The following UBE2M variants were observed in gnomAD, a reference collection of about 807,000 sequenced individuals.
The protein encoded by UBE2M is ubiquitin conjugating enzyme E2 M, also known as NEDD8-conjugating enzyme Ubc12.
A neutral mutation model predicts 23.5 loss-of-function variants in UBE2M; 2 were observed. That is an observed-to-expected ratio of 0.09 (90% confidence interval 0.03 to 0.27). The LOEUF is 0.27. UBE2M is among the 10% of genes least tolerant of loss of function. The pLI, the probability that UBE2M is intolerant of heterozygous loss-of-function variation, is 1.00. For missense variants in UBE2M, 103 were observed against 232.9 expected, an observed-to-expected ratio of 0.44 and a Z score of 3.63; for synonymous variants, 97 against 95.2, an observed-to-expected ratio of 1.02 and a Z score of -0.11.
Position 58,556,745 on chromosome 19 carries a change from T to A in UBE2M, c.289A>T (p.Thr97Ser). ...TCAATGTTGGGGTGATAGACCATTG[T>A]CTCACACTTCACCTTGGGGGGATCA... ...PHDPPKVKCE[T>S]MVYHPNIDLE... Residue 97 changes from threonine to serine, a missense_variant, in exon 4 of 6, where the codon ACA (threonine) becomes TCA (serine). Physicochemically the swap from Thr to Ser is moderately conservative, Grantham distance 58. This residue lies in a region of UBE2M where 12 missense variants were observed against 84.0 expected (regional missense o/e 0.14). Coordinates refer to ENST00000253023, the MANE Select transcript of UBE2M (RefSeq NM_003969.4). This position sits in a 1 kb window ranked among gnomAD's most constrained non-coding sequence, Gnocchi z 4.9. The A allele has an allele frequency of 1.3e-6, 2 of 1,557,082 alleles. No individual in the cohort carries two copies. The highest frequency in any genetic ancestry group is 2.4e-5 in the South Asian group (2 of 81,804).
intron 1 of UBE2M, among the ~76,000 whole-genome samples, chr19:58,557,967 C>T (rs1289614106): frequency 6.6e-6 from 1 of 152,042 alleles, no homozygotes; most frequent in East Asian, 1.9e-4. Context: ...TCCCGTCTAA[C>T]CCCCAGACTC....
rs1033446444 is a variant in UBE2M, at chr19:58,558,233, C to T, written c.109+40G>A. 1.3e-5 allele frequency: 21 copies of T among 1,571,580 alleles called. No individual in the cohort carries two copies. Among genetic ancestry groups the T allele is most frequent in the Non-Finnish European group, 1.6e-5 (19 of 1,153,180 alleles). On this transcript the variant is annotated intron_variant, in intron 1 of 5. Transcript: ENST00000253023. The surrounding 1 kb of genome is among the most constrained non-coding windows in gnomAD (Gnocchi z 4.7). ...ACATCACCCTGCCTCAGGCCCTGAC[C>T]TCCGACCTCCGGCTCCAACCCCATC...
chr19:58,557,962 T>G (rs961865337), intron 1 of UBE2M, among the ~76,000 whole-genome samples: 2 of 151,906 alleles, frequency 1.3e-5, no homozygotes, highest in Admixed American at 1.3e-4. Flanking sequence ...CAAGTTCCCG[T>G]CTAACCCCCA....
In UBE2M at chr19:58,558,396, CGCCGCT is replaced by C. The variant is rs749138337; in HGVS notation, c.-21_-16del. ...AGCTTGATCATCCTGCCGCCGCCGCCGCCGCTGCCGCCGCCGCGGGGCCCGGGACCC... is the reference window on the plus strand; with the variant it reads ...AGCTTGATCATCCTGCCGCCGCCGCCGCCGCCGCCGCGGGGCCCGGGACCC... On this transcript the variant is annotated 5_prime_UTR_variant, in exon 1 of 6. Transcript: ENST00000253023. This position sits in a 1 kb window ranked among gnomAD's most constrained non-coding sequence, Gnocchi z 4.7. 8 of 1,324,418 alleles carry C rather than the reference CGCCGCT, an allele frequency of 6.0e-6. No homozygotes were observed. Among genetic ancestry groups the C allele is most frequent in the Non-Finnish European group, 7.8e-6 (8 of 1,020,330 alleles). The allele number at this position is 1,324,418 out of a possible 1,614,324, so 82.0% of individuals were successfully genotyped here.
At position 58,556,185 on chromosome 19, in the gene UBE2M, G is replaced by T; in HGVS notation, c.456C>A (p.Val152=). The T allele has an allele frequency of 1.2e-6, 2 of 1,614,186 alleles. No homozygotes were observed. Among genetic ancestry groups the T allele is most frequent in the Non-Finnish European group, 1.7e-6 (2 of 1,180,022 alleles). Residue 152 remains valine (V), a synonymous_variant, in exon 6 of 6, where the codon GTC becomes GTA. Coordinates refer to ENST00000253023, the MANE Select transcript of UBE2M (RefSeq NM_003969.4). This position sits in a 1 kb window ranked among gnomAD's most constrained non-coding sequence, Gnocchi z 4.9. ...CAAACAGCCGCCGGTTGTTCTGCAG[G>T]ACCTCTGCGGCCTCCTTGTTCAGTG... ...EDPLNKEAAE[V]LQNNRRLFEQ... is the part of the protein sequence containing the mutation.
At position 58,558,125 on chromosome 19, in the gene UBE2M, C is replaced by G. The variant is rs2053904797; in HGVS notation, c.109+148G>C. ...CCCGTGACTGCATGATCCCAACCCTCAAGACTTGACCTCCGACCCCCCCCA... is the reference window on the plus strand; with the variant it reads ...CCCGTGACTGCATGATCCCAACCCTGAAGACTTGACCTCCGACCCCCCCCA... On this transcript the variant is annotated intron_variant, in intron 1 of 5. Coordinates refer to ENST00000253023, the MANE Select transcript of UBE2M (RefSeq NM_003969.4). This position sits in a 1 kb window ranked among gnomAD's most constrained non-coding sequence, Gnocchi z 4.7. 1 of 630,272 alleles carries G rather than the reference C, an allele frequency of 1.6e-6. No homozygotes were observed. The highest frequency in any genetic ancestry group is 2.0e-5 in the African/African-American group (1 of 51,056). 39.0% of individuals were successfully genotyped at this position (630,272 alleles called of 1,614,324 possible). A position where few individuals can be genotyped will look rare whatever the true frequency, so the allele number is the denominator to read the frequency against.
Position 58,558,248 on chromosome 19 carries a change from C to G in UBE2M, c.109+25G>C. The G allele has an allele frequency of 1.3e-6, 2 of 1,595,372 alleles. No homozygotes were observed. Among genetic ancestry groups the G allele is most frequent in the Non-Finnish European group, 1.7e-6 (2 of 1,170,620 alleles). On this transcript the variant is annotated intron_variant, in intron 1 of 5. Transcript: ENST00000253023. The surrounding 1 kb of genome is among the most constrained non-coding windows in gnomAD (Gnocchi z 4.7). ...AGGCCCTGACCTCCGACCTCCGGCT[C>G]CAACCCCATCCCCTGACCCCCTACC...
In UBE2M at chr19:58,558,108, T is replaced by C. The variant is rs926008786; in HGVS notation, c.109+165A>G. ...CTATCTCTGACCCCCTCCCCGTGAC[T>C]GCATGATCCCAACCCTCAAGACTTG... On this transcript the variant is annotated intron_variant, in intron 1 of 5. Transcript: ENST00000253023. The surrounding 1 kb of genome is among the most constrained non-coding windows in gnomAD (Gnocchi z 4.7). 1.3e-5 allele frequency among the ~76,000 whole-genome samples: 2 copies of C among 149,784 alleles called. No individual in the cohort carries two copies. Among genetic ancestry groups the C allele is most frequent in the African/African-American group, 4.9e-5 (2 of 40,592 alleles).
Position 58,555,960 on chromosome 19 carries a change from G to C in UBE2M, c.*129C>G. The stretch of plus-strand genomic sequence containing the variant: ...AATAACTAGGGGCACGTGGCAGGAA[G>C]GGGAGGCAAGGCCAAGGCAGGGGAT... On this transcript the variant is annotated 3_prime_UTR_variant, in exon 6 of 6. Coordinates refer to ENST00000253023, the MANE Select transcript of UBE2M (RefSeq NM_003969.4). 1 of 1,318,274 alleles carries C rather than the reference G, an allele frequency of 7.6e-7. No homozygotes were observed. The highest frequency in any genetic ancestry group is 1.5e-5 in the South Asian group (1 of 67,662). The allele number at this position is 1,318,274 out of a possible 1,614,324, so 81.7% of individuals were successfully genotyped here. A position where few individuals can be genotyped will look rare whatever the true frequency, so the allele number is the denominator to read the frequency against.
Position 58,556,742 on chromosome 19 carries a change from T to C in UBE2M, c.292A>G (p.Met98Val). The C allele has an allele frequency of 2.6e-6, 4 of 1,553,008 alleles. No homozygotes were observed. The highest frequency in any genetic ancestry group is 1.4e-5 in the African/African-American group (1 of 72,824). ...AGGTCAATGTTGGGGTGATAGACCA[T>C]TGTCTCACACTTCACCTTGGGGGGA... is the stretch of plus-strand genomic sequence containing the variant. ...HDPPKVKCET[M>V]VYHPNIDLEG... Residue 98 changes from methionine (M) to valine (V), a missense_variant, in exon 4 of 6, where the codon ATG (methionine) becomes GTG (valine). This residue lies in a region of UBE2M where 12 missense variants were observed against 84.0 expected (regional missense o/e 0.14). Coordinates refer to ENST00000253023, the MANE Select transcript of UBE2M (RefSeq NM_003969.4). The surrounding 1 kb of genome is among the most constrained non-coding windows in gnomAD (Gnocchi z 4.9).
rs760110943 is a variant in UBE2M, at chr19:58,558,308, TTGC to T, written c.71_73del (p.Ser24del). 4.0e-5 allele frequency: 64 copies of T among 1,598,002 alleles called. No individual in the cohort carries two copies. The highest frequency in any genetic ancestry group is 5.4e-5 in the Non-Finnish European group (63 of 1,172,496). ...CCGCAGCTGCGCCGCCGACGCCTTC[TTGC>T]TGCTGCCCTTGGTGCCGCCCGCCGA... On this transcript the variant is annotated inframe_deletion, in exon 1 of 6. Transcript: ENST00000253023. The surrounding 1 kb of genome is among the most constrained non-coding windows in gnomAD (Gnocchi z 4.7).
chr19:58,556,612 T>C lies in UBE2M; in HGVS notation c.347+75A>G, dbSNP rs566900688. The C allele has an allele frequency of 6.2e-5, 80 of 1,300,372 alleles. No homozygotes were observed. The highest frequency in any genetic ancestry group is 7.8e-5 in the Non-Finnish European group (73 of 941,754). 80.6% of individuals were successfully genotyped at this position (1,300,372 alleles called of 1,614,324 possible). The stretch of plus-strand genomic sequence containing the variant: ...AGGGGTGGGAAGGGACAGAGTCTGA[T>C]GTAGTGCCCACAAGACCATGAGGGA... On this transcript the variant is annotated intron_variant, in intron 4 of 5. Coordinates refer to ENST00000253023, the MANE Select transcript of UBE2M (RefSeq NM_003969.4). This position sits in a 1 kb window ranked among gnomAD's most constrained non-coding sequence, Gnocchi z 4.9.
In UBE2M at chr19:58,556,524, G is replaced by T; in HGVS notation, c.348-145C>A. The T allele has an allele frequency of 9.2e-7, 1 of 1,082,814 alleles. No individual in the cohort carries two copies. Among genetic ancestry groups the T allele is most frequent in the Non-Finnish European group, 1.3e-6 (1 of 755,240 alleles). The allele number at this position is 1,082,814 out of a possible 1,614,324, so 67.1% of individuals were successfully genotyped here. Reference sequence around the variant, plus strand: ...GAGGGTGTGGAGCAGGACAGGCCAAGGAGAAAACCAAGGTCAGGCCATGAG... The same window carrying T: ...GAGGGTGTGGAGCAGGACAGGCCAATGAGAAAACCAAGGTCAGGCCATGAG... On this transcript the variant is annotated intron_variant, in intron 4 of 5. Coordinates refer to ENST00000253023, the MANE Select transcript of UBE2M (RefSeq NM_003969.4). This position sits in a 1 kb window ranked among gnomAD's most constrained non-coding sequence, Gnocchi z 4.9.
rs745969280 is a variant in UBE2M, at chr19:58,558,339, C to A, written c.43G>T (p.Glu15Ter). Residue 15 changes from glutamate (E) to a stop codon, truncating the protein, a stop_gained, in exon 1 of 6, where the codon GAG becomes TAG. Transcript: ENST00000253023. LOFTEE classifies it high-confidence loss of function. The surrounding 1 kb of genome is among the most constrained non-coding windows in gnomAD (Gnocchi z 4.7). ...CTGCCCTTGGTGCCGCCCGCCGACTCCTCCTCCTTCTTCTGCTGCTTCAGC... is the reference window on the plus strand; with the variant it reads ...CTGCCCTTGGTGCCGCCCGCCGACTACTCCTCCTTCTTCTGCTGCTTCAGC... The part of the protein sequence containing the change: ...FSLKQQKKEE[E>*]SAGGTKGSSK... 25 of 1,596,200 alleles carry A rather than the reference C, an allele frequency of 1.6e-5. No individual in the cohort carries two copies. Among genetic ancestry groups the A allele is most frequent in the East Asian group, 4.7e-5 (2 of 42,374 alleles).
chr19:58,557,055 AC>A lies in UBE2M; in HGVS notation c.204+7del. 1 of 1,613,920 alleles carries A rather than the reference AC, an allele frequency of 6.2e-7. No individual in the cohort carries two copies. Among genetic ancestry groups the A allele is most frequent in the Non-Finnish European group, 8.5e-7 (1 of 1,179,934 alleles). ...TGCTCCTGGGAATTCAGCCATATGC[AC>A]CCTCACCTCATCAGGACAGATGACC... is the stretch of plus-strand genomic sequence containing the variant. On this transcript the variant is annotated splice_region_variant and intron_variant, in intron 2 of 5. Coordinates refer to ENST00000253023, the MANE Select transcript of UBE2M (RefSeq NM_003969.4).
Position 58,558,403 on chromosome 19 carries a change from G to T in UBE2M, c.-22C>A. The T allele has an allele frequency of 7.8e-7, 1 of 1,288,704 alleles. No individual in the cohort carries two copies. 79.8% of individuals were successfully genotyped at this position (1,288,704 alleles called of 1,614,324 possible). ...TCATCCTGCCGCCGCCGCCGCCGCT[G>T]CCGCCGCCGCGGGGCCCGGGACCCC... On this transcript the variant is annotated 5_prime_UTR_variant, in exon 1 of 6. Coordinates refer to ENST00000253023, the MANE Select transcript of UBE2M (RefSeq NM_003969.4). This position sits in a 1 kb window ranked among gnomAD's most constrained non-coding sequence, Gnocchi z 4.7.
At chr19:58,557,712 C>T (rs1207783845) in intron 1 of UBE2M, among the ~76,000 whole-genome samples, 1 of 139,842 alleles carries the variant, frequency 7.2e-6, no homozygotes, top group Non-Finnish European at 1.5e-5. Flanking sequence ...GCCTAAATTT[C>T]CCCTCACCCC....
Position 58,556,475 on chromosome 19 carries a change from G to A in UBE2M, c.348-96C>T. On this transcript the variant is annotated intron_variant, in intron 4 of 5. Coordinates refer to ENST00000253023, the MANE Select transcript of UBE2M (RefSeq NM_003969.4). This position sits in a 1 kb window ranked among gnomAD's most constrained non-coding sequence, Gnocchi z 4.9. The stretch of plus-strand genomic sequence containing the variant: ...CAGGTCAGATCCAGGGCATAGGAGA[G>A]TGAGCATGTGAGAGGCTGGGAGGGA... The A allele has an allele frequency of 2.2e-6, 3 of 1,343,560 alleles. No individual in the cohort carries two copies. The highest frequency in any genetic ancestry group is 3.1e-6 in the Non-Finnish European group (3 of 954,834). 83.2% of individuals were successfully genotyped at this position (1,343,560 alleles called of 1,614,324 possible).
At chr19:58,557,215 A>T in intron 1 of UBE2M, 58 bp from the exon 2 acceptor site, 3 of 1,481,210 alleles carry the variant, frequency 2.0e-6, no homozygotes. Context: ...AGAGAGAGAG[A>T]GGGAGCCAGC....
Sources: allele counts gnomAD v4.1 joint callset (sites outside exome capture counted in the v4.1 genomes callset), GRCh38; gene constraint gnomAD v4.1.1; regional missense constraint gnomAD v4.1.1; non-coding constraint Gnocchi (gnomAD v3.1); transcripts MANE v1.5; gene names NCBI Gene and HGNC (gene_info 2026-07-23, HGNC 2026-07-21).